The following C6 variants were observed in gnomAD, a reference collection of about 807,000 sequenced individuals.
C6 encodes complement component C6.
A neutral mutation model predicts 112.9 loss-of-function variants in C6; 101 were observed. The ratio of observed to expected loss-of-function variants is 0.89; its 90% confidence interval spans 0.76 to 1.06. The LOEUF (loss-of-function observed/expected upper bound fraction) is 1.06. Among genes scored for constraint, C6 ranks in the 50% least tolerant of loss-of-function variants. The pLI is 0.00. For synonymous variants in C6, 431 were observed against 384.1 expected, an observed-to-expected ratio of 1.12 and a Z score of -1.43; for missense variants, 1,202 against 1,104.6, an observed-to-expected ratio of 1.09 and a Z score of -1.25.
intron 9 of C6, among the ~76,000 whole-genome samples, 196 bp from the exon 10 acceptor site, chr5:41,162,055 C>T (rs779226536): frequency 1.2e-4 from 18 of 152,142 alleles, no homozygotes; most frequent in Non-Finnish European, 1.8e-4. Flanking sequence ...ATAATAATAA[C>T]AGTACTAACA....
At chr5:41,188,221 A>C (rs1749933399) in intron 5 of C6, among the ~76,000 whole-genome samples, 1 of 152,150 alleles carries the variant, frequency 6.6e-6, no homozygotes, top group South Asian at 2.1e-4. Context: ...TGATTTATAG[A>C]TTCAAGACAA....
chr5:41,179,549 A>G (rs1013144927), intron 7 of C6, among the ~76,000 whole-genome samples: 1 of 151,956 alleles, frequency 6.6e-6, no homozygotes, highest in Non-Finnish European at 1.5e-5. Context: ...AAAGTGCTAG[A>G]GATGTGTATT....
chr5:41,154,973 T>G lies in C6; in HGVS notation c.2100A>C (p.Gln700His), dbSNP rs144669649. ...CAAAATTGTTTGCCCAGTTCTCACG[T>G]TGGCATTCCACATCCCCTTGTCTCC... ...GTWRQGDVEC[Q>H]RTECIKPVVQ... The change falls in exon 14 of 18, where the codon CAA becomes CAC. Residue 700 changes from glutamine (Q) to histidine (H), a missense_variant and splice_region_variant. Coordinates refer to ENST00000337836, the MANE Select transcript of C6 (RefSeq NM_000065.5). 1 of 1,613,768 alleles carries G rather than the reference T, an allele frequency of 6.2e-7. No homozygotes were observed. The highest frequency in any genetic ancestry group is 1.7e-4 in the Middle Eastern group (1 of 6,058).
At chr5:41,181,257 A>T in intron 7 of C6, 102 bp downstream of exon 7, 2 of 1,048,356 alleles carry the variant, frequency 1.9e-6, no homozygotes, top group Middle Eastern at 2.1e-4. Flanking sequence ...ATTAGAAGTC[A>T]TACTGGTACA....
At chr5:41,234,357 G>GT (rs1214001006) in intron 1 of C6, among the ~76,000 whole-genome samples, 3 of 125,640 alleles carry the variant, frequency 2.4e-5, no homozygotes. Context: ...TTTGTTTTTT[G>GT]TTTTTTGTTT....
rs975386236 is a variant in C6 at position 41,181,437 on chromosome 5, A to T, written c.849T>A (p.Ile283=). The T allele has an allele frequency of 1.2e-6, 2 of 1,613,868 alleles. No homozygotes were observed. Among genetic ancestry groups the T allele is most frequent in the Non-Finnish European group, 1.7e-6 (2 of 1,179,868 alleles). The change falls in exon 7 of 18, where the codon ATT becomes ATA. Residue 283 remains isoleucine (I), a synonymous_variant. Coordinates refer to ENST00000337836, the MANE Select transcript of C6 (RefSeq NM_000065.5). ...SQGGSSFSVP[I]FYSSKRSENI... ...TTTCACTTCTCTTTGAGGAATAAAA[A>T]ATTGGTACACTGAAAGAGCTCCCCC...
intron 8 of C6, chr5:41,172,641 T>A: frequency 2.1e-6 from 1 of 477,290 alleles, no homozygotes; most frequent in Non-Finnish European, 3.9e-6. Context: ...GGGATGGTGA[T>A]GTCCTGTCCT....
intron 1 of C6, among the ~76,000 whole-genome samples, chr5:41,239,998 G>T (rs1486353545): frequency 8.5e-5 from 13 of 152,178 alleles, no homozygotes; most frequent in Non-Finnish European, 5.9e-5. Context: ...TCTCTTATAT[G>T]TGACTAGACA....
chr5:41,232,914 C>T (rs560728942), intron 1 of C6, among the ~76,000 whole-genome samples: 69 of 152,064 alleles, frequency 4.5e-4, no homozygotes, highest in African/African-American at 1.5e-3. Context: ...AGGACCATGT[C>T]TACTCTTTCT....
At chr5:41,216,797 G>A (rs779539042), upstream of C6, among the ~76,000 whole-genome samples, 55 of 152,020 alleles carry the variant, frequency 3.6e-4, no homozygotes, top group Non-Finnish European at 7.6e-4. Context: ...AACTCCTCCT[G>A]TAATTTCTTC....
At chr5:41,156,998 T>C (rs998685354) in intron 13 of C6, among the ~76,000 whole-genome samples, 2 of 152,218 alleles carry the variant, frequency 1.3e-5, no homozygotes, top group Non-Finnish European at 2.9e-5. Context: ...TAAATAAATA[T>C]ACTTGTGTGC....
In C6 at chr5:41,213,420, A is replaced by T; in HGVS notation, c.-65T>A. On this transcript the variant is annotated 5_prime_UTR_variant, in exon 1 of 18. Coordinates refer to ENST00000337836, the MANE Select transcript of C6 (RefSeq NM_000065.5). ...TGTCCTCGGACCTAAGCTGCAAATT[A>T]TTGGGGAAAAAATAGGTATGCAGAA... 1 of 985,374 alleles carries T rather than the reference A, an allele frequency of 1.0e-6. No homozygotes were observed. Among genetic ancestry groups the T allele is most frequent in the South Asian group, 4.7e-5 (1 of 21,286 alleles). 61.0% of individuals were successfully genotyped at this position (985,374 alleles called of 1,614,324 possible).
At chr5:41,240,729 G>A (rs780875525) in intron 1 of C6, among the ~76,000 whole-genome samples, 2 of 152,162 alleles carry the variant, frequency 1.3e-5, no homozygotes, top group Non-Finnish European at 2.9e-5. Flanking sequence ...TGGGCTTGTG[G>A]TTGGGGCCTC....
At chr5:41,143,143 G>C in intron 17 of C6, 137 bp from the exon 18 acceptor site, 2 of 730,434 alleles carry the variant, frequency 2.7e-6, no homozygotes, top group Non-Finnish European at 4.6e-6. Flanking sequence ...TAATGAATGA[G>C]AAAGCCAAAA....
intron 5 of C6, among the ~76,000 whole-genome samples, chr5:41,192,078 T>C (rs1199704101): frequency 2.6e-5 from 4 of 152,170 alleles, no homozygotes; most frequent in Non-Finnish European, 5.9e-5. Flanking sequence ...AAGTTTCTTC[T>C]ATTTCTAATT....
At chr5:41,238,766 T>C (rs78610435) in intron 1 of C6, among the ~76,000 whole-genome samples, 1,895 of 152,304 alleles carry the variant, frequency 0.012, 44 homozygotes, top group African/African-American at 0.043. Flanking sequence ...CTGAAGGGCA[T>C]AGATATTAGT....
At chr5:41,238,292 C>G (rs1360243443) in intron 1 of C6, among the ~76,000 whole-genome samples, 1 of 146,062 alleles carries the variant, frequency 6.8e-6, no homozygotes, top group Non-Finnish European at 1.5e-5. Context: ...GCCAAAAGAA[C>G]AAAGCTGGAG....
chr5:41,239,111 C>CTTTTTTTTTTTTT (rs34322889), intron 1 of C6, among the ~76,000 whole-genome samples: 2 of 121,674 alleles, frequency 1.6e-5, no homozygotes, highest in Non-Finnish European at 3.3e-5. Context: ...TCTTTTCTTT[C>CTTTTTTTTTTTTT]TTTTTTTTTT....
chr5:41,199,779 C>T lies in C6; in HGVS notation c.434G>A (p.Arg145His), dbSNP rs757730138. The T allele has an allele frequency of 8.1e-6, 13 of 1,613,456 alleles. No individual in the cohort carries two copies. The highest frequency in any genetic ancestry group is 6.7e-5 in the East Asian group (3 of 44,892). ...CAAAAATACATTACCACTGTCACAG[C>T]GAAATTTATTCTTGCAGTCAGCCTC... ...IEEADCKNKF[R>H]CDSGRCIARK... is the part of the protein sequence containing the mutation. The change falls in exon 4 of 18, where the codon CGC becomes CAC. Residue 145 changes from arginine (R) to histidine (H), a missense_variant. Transcript: ENST00000337836.
Sources: gnomAD v4.1 joint callset for allele counts (sites outside exome capture counted in the v4.1 genomes callset) on GRCh38, gnomAD v4.1.1 for gene constraint, MANE v1.5 for transcripts, NCBI Gene and HGNC (gene_info 2026-07-23, HGNC 2026-07-21) for gene names.